The following RORA variants were observed in gnomAD, a reference collection of about 807,000 sequenced individuals.
RORA encodes RAR related orphan receptor A.
Under a neutral mutation model 69.5 loss-of-function variants are expected in RORA, and 7 were observed. The ratio of observed to expected loss-of-function variants is 0.10; its 90% CI spans 0.06 to 0.19. RORA has a LOEUF of 0.19. Ranked by LOEUF, RORA falls within the 10% of genes least tolerant of loss-of-function variation. The probability of loss-of-function intolerance (pLI) is 1.00; values close to 1 mark genes in which losing one functional copy is unlikely to be tolerated. For synonymous variants in RORA, 261 were observed against 240.8 expected (o/e 1.08, Z -0.78); for missense variants, 457 against 663.0 (o/e 0.69, Z 3.41).
At chr15:61,194,543 G>GTAA (rs1555419200) in intron 1 of RORA, among the ~76,000 whole-genome samples, 2 of 143,472 alleles carry the variant, frequency 1.4e-5, no homozygotes, top group Non-Finnish European at 3.0e-5. Context: ...AGCCTAGGAG[G>GTAA]AAAAAAAAAA....
At chr15:60,957,729 G>C (rs1395720651) in intron 1 of RORA, among the ~76,000 whole-genome samples, 1 of 152,232 alleles carries the variant, frequency 6.6e-6, no homozygotes, top group African/African-American at 2.4e-5. Flanking sequence ...GTTAGCTAGA[G>C]AAAGGGGGGA....
intron 1 of RORA, among the ~76,000 whole-genome samples, chr15:60,975,098 T>C (rs1185320239): frequency 2.0e-5 from 3 of 152,126 alleles, no homozygotes; most frequent in Non-Finnish European, 4.4e-5. Flanking sequence ...GGAAGAAGCA[T>C]GATGAGGCAC....
intron 1 of RORA, among the ~76,000 whole-genome samples, chr15:61,096,964 T>C (rs755589168): frequency 1.1e-4 from 16 of 152,216 alleles, no homozygotes; most frequent in Non-Finnish European, 1.8e-4. Context: ...AGAAGGCACA[T>C]GTGCATGGCA....
At chr15:60,561,280 A>T (rs376421779) in intron 2 of RORA, among the ~76,000 whole-genome samples, 1 of 151,366 alleles carries the variant, frequency 6.6e-6, no homozygotes, top group Admixed American at 6.6e-5. Flanking sequence ...ACGGGGTTTC[A>T]CCGTGTTAGC....
rs145634334 is a variant in RORA at position 60,943,728 on chromosome 15, C to G, written c.167-265042G>C. 6.8e-3 allele frequency among the ~76,000 whole-genome samples: 1,031 copies of G among 151,760 alleles called. 9 individuals carry two copies. Among genetic ancestry groups the G allele is most frequent in the African/African-American group, 0.024 (985 of 41,374 alleles). On this transcript the variant is annotated intron_variant, in intron 1 of 10. Transcript: ENST00000335670. ...CTCAGGAGTTCAAGACCAGCCTGGG[C>G]AACACGGTGAAACCCCATCACTACT...
At chr15:60,732,039 G>T (rs1454351440) in intron 1 of RORA, among the ~76,000 whole-genome samples, 4 of 152,124 alleles carry the variant, frequency 2.6e-5, no homozygotes, top group Non-Finnish European at 4.4e-5. Flanking sequence ...TGAGTTGAAT[G>T]GTCATCTAAA....
At position 60,754,925 on chromosome 15, in the gene RORA, A is replaced by G. The variant is rs116673756; in HGVS notation, c.167-76239T>C. Among the ~76,000 whole-genome samples the G allele has an allele frequency of 2.7e-3, 413 of 150,568 alleles. 2 individuals are homozygous for G. Among genetic ancestry groups the G allele is most frequent in the African/African-American group, 9.6e-3 (393 of 41,008 alleles). ...GTTGTGTATGCTCAGTCTGGAATGGATATCTCTCTTATTATCCCCGTAAAC... is the reference window on the plus strand; with the variant it reads ...GTTGTGTATGCTCAGTCTGGAATGGGTATCTCTCTTATTATCCCCGTAAAC... On this transcript the variant is annotated intron_variant, in intron 1 of 10. Coordinates refer to ENST00000335670, the MANE Select transcript of RORA (RefSeq NM_134261.3).
At chr15:60,704,481 G>C (rs2071032486) in intron 1 of RORA, among the ~76,000 whole-genome samples, 1 of 152,212 alleles carries the variant, frequency 6.6e-6, no homozygotes, top group Non-Finnish European at 1.5e-5. Context: ...AATGGCCAGG[G>C]CTCTGTTGGG....
chr15:60,553,463 T>C lies in RORA; in HGVS notation c.197-21612A>G, dbSNP rs116077592. ...GACTAACAGCTATTTTAATATTATA[T>C]AATAAAGCATAGAGAAATCAAAAGA... On this transcript the variant is annotated intron_variant, in intron 2 of 10. Coordinates refer to ENST00000335670, the MANE Select transcript of RORA (RefSeq NM_134261.3). 5.4e-3 allele frequency among the ~76,000 whole-genome samples: 819 copies of C among 152,282 alleles called. 8 individuals are homozygous for C. Among genetic ancestry groups the C allele is most frequent in the African/African-American group, 0.019 (785 of 41,558 alleles).
intron 2 of RORA, among the ~76,000 whole-genome samples, chr15:60,566,205 T>A (rs1404189018): frequency 3.9e-5 from 6 of 152,224 alleles, no homozygotes; most frequent in Non-Finnish European, 8.8e-5. Context: ...ATTTTATACA[T>A]CTAAGTATAG....
At chr15:61,114,328 C>T (rs2079032089) in intron 1 of RORA, among the ~76,000 whole-genome samples, 1 of 152,120 alleles carries the variant, frequency 6.6e-6, no homozygotes, top group Non-Finnish European at 1.5e-5. Context: ...TCATTTAATG[C>T]TCAGGTAAGT....
At position 60,998,540 on chromosome 15, in the gene RORA, G is replaced by A. The variant is rs1434143510; in HGVS notation, c.166+230513C>T. ...AGCCTCCCAAGTAGCTGGGATTACA[G>A]TCACATGCCACCACGCCCAGATAAT... On this transcript the variant is annotated intron_variant, in intron 1 of 10. Transcript: ENST00000335670. Among the ~76,000 whole-genome samples, 3 of 152,196 alleles carry A rather than the reference G, an allele frequency of 2.0e-5. No individual in the cohort carries two copies. The South Asian group carries it at 6.2e-4, about 32-fold the overall frequency.
At chr15:61,202,349 T>C (rs2079902770) in intron 1 of RORA, among the ~76,000 whole-genome samples, 1 of 152,174 alleles carries the variant, frequency 6.6e-6, no homozygotes, top group Admixed American at 6.5e-5. Context: ...CAGCATTTCT[T>C]AAAAACATAA....
chr15:61,059,572 G>T (rs1207664350), intron 1 of RORA, among the ~76,000 whole-genome samples: 1 of 152,120 alleles, frequency 6.6e-6, no homozygotes. Flanking sequence ...TACAAAATCT[G>T]CTTTGAGATA....
chr15:60,878,271 G>A (rs1567222833), intron 1 of RORA, among the ~76,000 whole-genome samples: 2 of 149,078 alleles, frequency 1.3e-5, no homozygotes, highest in Middle Eastern at 3.5e-3. Flanking sequence ...GTGAACCTGG[G>A]AGGCGGAGCT....
chr15:61,124,084 A>G (rs944686302), intron 1 of RORA, among the ~76,000 whole-genome samples: 1 of 152,302 alleles, frequency 6.6e-6, no homozygotes, highest in Non-Finnish European at 1.5e-5. Context: ...GCACAATGCC[A>G]GCTCTGCTGA....
chr15:61,068,925 C>A (rs1305204472), intron 1 of RORA, among the ~76,000 whole-genome samples: 2 of 152,148 alleles, frequency 1.3e-5, no homozygotes, highest in Non-Finnish European at 2.9e-5. Flanking sequence ...ATTTATGAAC[C>A]ATTTCCCCCT....
intron 1 of RORA, among the ~76,000 whole-genome samples, chr15:60,697,455 G>T (rs542228272): frequency 4.9e-4 from 74 of 152,216 alleles, no homozygotes; most frequent in African/African-American, 1.7e-3. Context: ...ACCTTTTTAA[G>T]GATCCTTTAC....
At chr15:60,841,423 GCTCT>G (rs1162400096) in intron 1 of RORA, among the ~76,000 whole-genome samples, 1 of 152,180 alleles carries the variant, frequency 6.6e-6, no homozygotes, top group African/African-American at 2.4e-5. Flanking sequence ...CTGGCAATGG[GCTCT>G]CTCTGTCTCT....
Sources: gnomAD v4.1 joint callset for allele counts (sites outside exome capture counted in the v4.1 genomes callset) on GRCh38, gnomAD v4.1.1 for gene constraint, MANE v1.5 for transcripts, NCBI Gene and HGNC (gene_info 2026-07-23, HGNC 2026-07-21) for gene names.